The following NDST1 variants were observed in gnomAD, a reference collection of about 807,000 sequenced individuals.
The protein encoded by NDST1 is bifunctional heparan sulfate N-deacetylase/N-sulfotransferase 1.
A neutral mutation model predicts 92.8 loss-of-function variants in NDST1; 35 were observed. The observed-to-expected ratio is 0.38, with a 90% CI of 0.29 to 0.50. The LOEUF (loss-of-function observed/expected upper bound fraction) is 0.50, where lower values mean the gene tolerates loss of function less well. Ranked by LOEUF, NDST1 falls within the 20% of genes least tolerant of loss-of-function variation. NDST1 has a pLI of 0.94. For missense variants in NDST1, 822 were observed against 1,182.7 expected (o/e 0.69, Z 4.47); for synonymous variants, 493 against 500.3 (o/e 0.99, Z 0.19).
intron 1 of NDST1, among the ~76,000 whole-genome samples, chr5:150,513,524 C>T (rs943927084): frequency 4.6e-5 from 7 of 152,282 alleles, no homozygotes; most frequent in Middle Eastern, 3.4e-3. Flanking sequence ...GCTCCAGTCT[C>T]GGCCTTTAAC....
Position 150,553,913 on chromosome 5 carries a change from G to A in NDST1, c.*581G>A, listed in dbSNP as rs1394325844. 1.4e-5 allele frequency: 6 copies of A among 423,298 alleles called. No individual in the cohort carries two copies. Among genetic ancestry groups the A allele is most frequent in the African/African-American group, 2.0e-5 (1 of 50,052 alleles). The allele number at this position is 423,298 out of a possible 1,614,324, so 26.2% of individuals were successfully genotyped here. ...TCCTACCTTCACATCTCACCCTCCC[G>A]TTCTGGGGAAGAATTTCTGGTTCCT... is the stretch of plus-strand genomic sequence containing the variant. On this transcript the variant is annotated 3_prime_UTR_variant, in exon 15 of 15. Transcript: ENST00000261797. The surrounding 1 kb of genome is among the most constrained non-coding windows in gnomAD (Gnocchi z 4.2).
intron 6 of NDST1, among the ~76,000 whole-genome samples, chr5:150,538,835 G>C (rs1755109526): frequency 6.6e-6 from 1 of 152,212 alleles, no homozygotes. Flanking sequence ...GACGACAAAT[G>C]GCTAAGCCAG....
At chr5:150,517,183 G>A (rs369878319) in intron 1 of NDST1, among the ~76,000 whole-genome samples, 3 of 151,772 alleles carry the variant, frequency 2.0e-5, no homozygotes, top group African/African-American at 4.8e-5. Flanking sequence ...ATGGGGTCTC[G>A]CTCTGTCGCT....
At position 150,529,390 on chromosome 5, in the gene NDST1, C is replaced by CAAA. The variant is rs11418788; in HGVS notation, c.1008+1113_1008+1115dup. ...TGGGCCACAGAGCAAGACCCTGTCT[C>CAAA]AAAAAAAAAAAAAAAAAAAAAAAGT... On this transcript the variant is annotated intron_variant, in intron 3 of 14. Transcript: ENST00000261797. Among the ~76,000 whole-genome samples the CAAA allele has an allele frequency of 2.8e-3, 182 of 64,580 alleles. 2 individuals are homozygous for CAAA. Among genetic ancestry groups the CAAA allele is most frequent in the South Asian group, 7.4e-3 (12 of 1,612 alleles). 42.4% of individuals were successfully genotyped at this position (64,580 alleles called of 152,430 possible).
chr5:150,528,291 A>C lies in NDST1; in HGVS notation c.1001A>C (p.Asp334Ala). The C allele has an allele frequency of 1.3e-6, 2 of 1,594,868 alleles. No homozygotes were observed. Residue 334 changes from aspartate (D) to alanine (A), a missense_variant, in exon 3 of 15, where the codon GAC (aspartate) becomes GCC (alanine). Transcript: ENST00000261797. ...GKEGTRMKVEDVKALFDTQNE... is the reference protein window; with the variant it reads ...GKEGTRMKVEAVKALFDTQNE... ...GAGGGCACACGCATGAAGGTGGAGG[A>C]CGTGAAGGTATGGCCGGGGGTGCTA... is the stretch of plus-strand genomic sequence containing the variant.
Position 150,527,842 on chromosome 5 carries a change from C to T in NDST1, c.552C>T (p.Gly184=), listed in dbSNP as rs1754542967. 1 of 1,614,144 alleles carries T rather than the reference C, an allele frequency of 6.2e-7. No homozygotes were observed. Among genetic ancestry groups the T allele is most frequent in the Non-Finnish European group, 8.5e-7 (1 of 1,180,030 alleles). The change falls in exon 3 of 15, where the codon GGC becomes GGT. Residue 184 remains glycine, a synonymous_variant. Coordinates refer to ENST00000261797, the MANE Select transcript of NDST1 (RefSeq NM_001543.5). ...ENSLLSAQLK[G]FPLFLHSNLG... ...GCCTGCTGAGTGCGCAGCTCAAGGG[C>T]TTCCCCCTGTTCCTGCACTCAAACC...
intron 3 of NDST1, among the ~76,000 whole-genome samples, chr5:150,528,578 G>C (rs1210562073): frequency 6.6e-6 from 1 of 151,984 alleles, no homozygotes; most frequent in Non-Finnish European, 1.5e-5. Flanking sequence ...ATCACTTGAG[G>C]TCAGGAGTTT....
intron 3 of NDST1, among the ~76,000 whole-genome samples, chr5:150,528,504 G>A (rs748400247): frequency 6.6e-6 from 1 of 152,144 alleles, no homozygotes; most frequent in Non-Finnish European, 1.5e-5. Context: ...CTTGATTGAA[G>A]CATTGGCCAG....
upstream of NDST1, among the ~76,000 whole-genome samples, chr5:150,503,729 C>T (rs1753329760): frequency 6.6e-6 from 1 of 152,178 alleles, no homozygotes; most frequent in Non-Finnish European, 1.5e-5. Context: ...CCCTAATGGA[C>T]CATCTTCCTT....
chr5:150,543,515 T>A (rs770141614), intron 10 of NDST1, among the ~76,000 whole-genome samples: 2 of 152,206 alleles, frequency 1.3e-5, no homozygotes, highest in Non-Finnish European at 2.9e-5. Flanking sequence ...AGAGCAGAGA[T>A]GGTTTTACTC....
In NDST1 at chr5:150,535,884, T is replaced by G. The variant is rs907176822; in HGVS notation, c.1436T>G (p.Met479Arg). Residue 479 changes from methionine (M) to arginine (R), a missense_variant and splice_region_variant, in exon 6 of 15, where the codon ATG becomes AGG. Physicochemically the swap from Met to Arg is moderately conservative, Grantham distance 91 (BLOSUM62 -1). Transcript: ENST00000261797. The part of the protein sequence containing the change: ...YRRGFIHNGI[M>R]VLPRQTCGLF... ...CGTGGCTTCATCCACAATGGCATCA[T>G]GGTGAGTGGGCCCCTGGAAGCCCAG... 6.2e-7 allele frequency: 1 copy of G among 1,613,178 alleles called. No homozygotes were observed. Among genetic ancestry groups the G allele is most frequent in the East Asian group, 2.2e-5 (1 of 44,828 alleles).
chr5:150,520,588 A>G (rs1754202589), intron 1 of NDST1, among the ~76,000 whole-genome samples: 1 of 152,192 alleles, frequency 6.6e-6, no homozygotes, highest in Non-Finnish European at 1.5e-5. Context: ...CAATTTGTAG[A>G]TACCATATGC....
At position 150,555,797 on chromosome 5, in the gene NDST1, G is replaced by A. The variant is rs1013089457; in HGVS notation, c.*2465G>A. The A allele has an allele frequency of 6.6e-6, 1 of 152,276 alleles. No individual in the cohort carries two copies. Among genetic ancestry groups the A allele is most frequent in the Non-Finnish European group, 1.5e-5 (1 of 68,092 alleles). The allele number at this position is 152,276 out of a possible 1,614,324, so 9.4% of individuals were successfully genotyped here. On this transcript the variant is annotated 3_prime_UTR_variant, in exon 15 of 15. Transcript: ENST00000261797. ...GGAGCTCCACTTCTCTCTGCCTCTG[G>A]CTATGGGAAGGAGCAGGCGGTTGGA...
intron 1 of NDST1, among the ~76,000 whole-genome samples, chr5:150,511,601 GGTAGACTGTGCTCTCT>G (rs1242180439): frequency 3.3e-5 from 5 of 152,088 alleles, no homozygotes; most frequent in African/African-American, 1.2e-4. Flanking sequence ...CTTACTGCAG[GGTAGACTGTGCTCTCT>G]GTGGCCCTGC....
Position 150,557,965 on chromosome 5 carries a change from C to T in NDST1, c.*4633C>T, listed in dbSNP as rs1169028076. 1 of 150,248 alleles carries T rather than the reference C, an allele frequency of 6.7e-6. No individual in the cohort carries two copies. The highest frequency in any genetic ancestry group is 2.5e-5 in the African/African-American group (1 of 40,494). 9.3% of individuals were successfully genotyped at this position (150,248 alleles called of 1,614,324 possible). On this transcript the variant is annotated 3_prime_UTR_variant, in exon 15 of 15. Coordinates refer to ENST00000261797, the MANE Select transcript of NDST1 (RefSeq NM_001543.5). This position sits in a 1 kb window ranked among gnomAD's most constrained non-coding sequence, Gnocchi z 4.7. ...AAGAGGGCTCCTTTTGTAATTTGTGCATGAAATTCATGTCATTTCCTGGGA... is the reference window on the plus strand; with the variant it reads ...AAGAGGGCTCCTTTTGTAATTTGTGTATGAAATTCATGTCATTTCCTGGGA...
rs1755885401 is a variant in NDST1, at chr5:150,557,085, G to C, written c.*3753G>C. ...GGCTACATGAGATTTTGCCTTTTGT[G>C]CTGACTTGACAGCTTCACTTCTGCC... On this transcript the variant is annotated 3_prime_UTR_variant, in exon 15 of 15. Transcript: ENST00000261797. This position sits in a 1 kb window ranked among gnomAD's most constrained non-coding sequence, Gnocchi z 4.7. 1 of 152,600 alleles carries C rather than the reference G, an allele frequency of 6.6e-6. No homozygotes were observed. Among genetic ancestry groups the C allele is most frequent in the African/African-American group, 2.4e-5 (1 of 41,442 alleles). 9.5% of individuals were successfully genotyped at this position (152,600 alleles called of 1,614,324 possible).
chr5:150,553,844 G>A lies in NDST1; in HGVS notation c.*512G>A. 1 of 433,418 alleles carries A rather than the reference G, an allele frequency of 2.3e-6. No individual in the cohort carries two copies. The highest frequency in any genetic ancestry group is 4.1e-6 in the Non-Finnish European group (1 of 244,886). 26.8% of individuals were successfully genotyped at this position (433,418 alleles called of 1,614,324 possible). ...CCCGGAGTCAGTCCTAGGCTGGATG[G>A]GAGGGTGGCCCCCTCAAGAGGACTC... On this transcript the variant is annotated 3_prime_UTR_variant, in exon 15 of 15. Transcript: ENST00000261797. The surrounding 1 kb of genome is among the most constrained non-coding windows in gnomAD (Gnocchi z 4.2).
upstream of NDST1, among the ~76,000 whole-genome samples, chr5:150,503,938 G>A (rs1175957953): frequency 6.6e-6 from 1 of 152,212 alleles, no homozygotes; most frequent in Non-Finnish European, 1.5e-5. Flanking sequence ...CGTGTAGGTA[G>A]GGCTCTGGAC....
intron 11 of NDST1, among the ~76,000 whole-genome samples, chr5:150,546,635 G>C (rs1227883905): frequency 6.6e-6 from 1 of 152,214 alleles, no homozygotes; most frequent in Non-Finnish European, 1.5e-5. Flanking sequence ...GCCTCTTCAG[G>C]CCTGGCCACT....
Sources: gnomAD v4.1 joint callset for allele counts (sites outside exome capture counted in the v4.1 genomes callset) on GRCh38, gnomAD v4.1.1 for gene constraint, Gnocchi (gnomAD v3.1) non-coding constraint, MANE v1.5 for transcripts, NCBI Gene and HGNC (gene_info 2026-07-23, HGNC 2026-07-21) for gene names.